MTUS2: variants seen among roughly 807,000 people sequenced by gnomAD.
MTUS2 encodes microtubule associated scaffold protein 2.
MTUS2 carries 40 observed loss-of-function variants against 114.1 expected under a neutral mutation model. That is an observed-to-expected ratio of 0.35 (90% confidence interval 0.27 to 0.46). The LOEUF (loss-of-function observed/expected upper bound fraction) is 0.46, where lower values mean the gene tolerates loss of function less well. Among genes scored for constraint, MTUS2 ranks in the 20% least tolerant of loss-of-function variants. MTUS2 has a pLI of 1.00. For synonymous variants in MTUS2, 688 were observed against 672.0 expected (o/e 1.02, Z -0.37); for missense variants, 1,679 against 1,705.4 (o/e 0.98, Z 0.27).
intron 7 of MTUS2, among the ~76,000 whole-genome samples, chr13:29,335,639 G>T (rs368827762): frequency 1.3e-5 from 2 of 151,990 alleles, no homozygotes; most frequent in African/African-American, 2.4e-5. Flanking sequence ...TTCTCTTTTT[G>T]TACTCTTTCC....
intron 5 of MTUS2, among the ~76,000 whole-genome samples, chr13:29,193,948 CA>C (rs1453890625): frequency 2.6e-5 from 4 of 152,046 alleles, no homozygotes; most frequent in African/African-American, 9.7e-5. Context: ...CGCATATCTA[CA>C]AATATCTGAT....
At chr13:29,319,763 G>A (rs73437934) in intron 6 of MTUS2, among the ~76,000 whole-genome samples, 3,959 of 152,152 alleles carry the variant, frequency 0.026, 151 homozygotes, top group African/African-American at 0.089. Flanking sequence ...CGAGATGCCC[G>A]CTAGCCTTAG....
intron 2 of MTUS2, among the ~76,000 whole-genome samples, chr13:28,940,319 G>C (rs758861012): frequency 6.6e-6 from 1 of 152,146 alleles, no homozygotes; most frequent in Admixed American, 6.5e-5. Flanking sequence ...ATGCTACAGT[G>C]TGGCTTAACC....
intron 5 of MTUS2, among the ~76,000 whole-genome samples, chr13:29,170,042 T>A (rs1893487120): frequency 1.1e-5 from 1 of 88,762 alleles, no homozygotes. Context: ...CAGTAGTGGT[T>A]GATGAGAGCA....
chr13:29,195,480 A>G (rs558586810), intron 5 of MTUS2, among the ~76,000 whole-genome samples: 7 of 150,756 alleles, frequency 4.6e-5, no homozygotes, highest in Admixed American at 4.6e-4. Context: ...AACACATTTA[A>G]TGTTAAAATA....
chr13:28,896,792 G>A (rs1879298587), intron 2 of MTUS2, among the ~76,000 whole-genome samples: 1 of 152,196 alleles, frequency 6.6e-6, no homozygotes, highest in South Asian at 2.1e-4. Context: ...ACAAAAACAA[G>A]AAATGGAGAA....
At chr13:29,235,064 G>C (rs569325599) in intron 5 of MTUS2, among the ~76,000 whole-genome samples, 2 of 151,720 alleles carry the variant, frequency 1.3e-5, no homozygotes, top group Non-Finnish European at 2.9e-5. Context: ...GCAAGTAATG[G>C]TAATTTTTCA....
intron 10 of MTUS2, among the ~76,000 whole-genome samples, chr13:29,487,021 T>G (rs1271004522): frequency 6.6e-6 from 1 of 152,024 alleles, no homozygotes; most frequent in African/African-American, 2.4e-5. Context: ...TCAGGAAACA[T>G]GAAAATGAAG....
intron 5 of MTUS2, among the ~76,000 whole-genome samples, chr13:29,214,105 C>T (rs1470949101): frequency 1.3e-5 from 2 of 151,976 alleles, no homozygotes; most frequent in African/African-American, 2.4e-5. Context: ...AGCATACTTC[C>T]ATCTCTTTCC....
At position 29,504,393 on chromosome 13, in the gene MTUS2, GAA is replaced by G. The variant is rs59206498; in HGVS notation, c.*1196_*1197del. On this transcript the variant is annotated 3_prime_UTR_variant, in exon 16 of 16. Coordinates refer to ENST00000612955, the MANE Select transcript of MTUS2 (RefSeq NM_001033602.4). ...TCAGGGGTTCTAGCAGGGGCTTCCA[GAA>G]AAAAAAAACACCATTTCTGTCCCGG... The G allele has an allele frequency of 0.063, 13,308 of 209,638 alleles. 515 individuals are homozygous for G. The highest frequency in any genetic ancestry group is 0.16 in the Middle Eastern group (101 of 650). The allele number at this position is 209,638 out of a possible 1,614,324, so 13.0% of individuals were successfully genotyped here.
rs150209979 is a variant in MTUS2, at chr13:29,335,109, C to T, written c.2905+10398C>T. On this transcript the variant is annotated intron_variant, in intron 7 of 15. Coordinates refer to ENST00000612955, the MANE Select transcript of MTUS2 (RefSeq NM_001033602.4). ...GGCGGAACAGAGCCATATTTCTCTT[C>T]TTTCAAAAGCAAATAGGAGAAATAT... 7.6e-3 allele frequency among the ~76,000 whole-genome samples: 1,163 copies of T among 152,310 alleles called. 12 individuals carry two copies. Among genetic ancestry groups the T allele is most frequent in the African/African-American group, 0.027 (1,116 of 41,546 alleles).
intron 5 of MTUS2, among the ~76,000 whole-genome samples, chr13:29,205,260 C>T (rs1266902732): frequency 1.3e-5 from 2 of 152,072 alleles, no homozygotes; most frequent in African/African-American, 2.4e-5. Flanking sequence ...AATTTTGCTC[C>T]TAAGAAAATG....
At chr13:29,405,377 T>C (rs1355531627) in intron 8 of MTUS2, among the ~76,000 whole-genome samples, 3 of 152,202 alleles carry the variant, frequency 2.0e-5, no homozygotes, top group Non-Finnish European at 4.4e-5. Flanking sequence ...ACTATCCAAA[T>C]ATGATGGCTT....
At chr13:28,837,146 G>A (rs915874309) in intron 1 of MTUS2, among the ~76,000 whole-genome samples, 17 of 152,152 alleles carry the variant, frequency 1.1e-4, no homozygotes, top group African/African-American at 4.1e-4. Flanking sequence ...GTTCTTCATT[G>A]TAGTTGTGCT....
chr13:29,442,651 G>A (rs567215128), intron 9 of MTUS2, among the ~76,000 whole-genome samples: 393 of 26,522 alleles, frequency 0.015, no homozygotes, highest in Non-Finnish European at 0.028. Context: ...GGCAGCATTG[G>A]TGTGTTTCCC....
chr13:29,351,847 T>G (rs1869317051), intron 7 of MTUS2, among the ~76,000 whole-genome samples: 1 of 151,508 alleles, frequency 6.6e-6, no homozygotes, highest in Non-Finnish European at 1.5e-5. Flanking sequence ...ACACCTGAGC[T>G]CAAGCCATCG....
chr13:28,979,483 A>G (rs777576702), intron 2 of MTUS2, among the ~76,000 whole-genome samples: 11 of 152,224 alleles, frequency 7.2e-5, no homozygotes, highest in Admixed American at 3.3e-4. Flanking sequence ...TCCAGCATAT[A>G]CTTTTCTCTT....
intron 5 of MTUS2, among the ~76,000 whole-genome samples, chr13:29,150,042 A>G (rs1006420434): frequency 6.6e-6 from 1 of 152,124 alleles, no homozygotes; most frequent in Non-Finnish European, 1.5e-5. Context: ...GTTTTTTCTA[A>G]TTCTATGAAG....
At chr13:29,404,274 C>T (rs1224221676) in intron 8 of MTUS2, among the ~76,000 whole-genome samples, 2 of 151,984 alleles carry the variant, frequency 1.3e-5, no homozygotes, top group Non-Finnish European at 2.9e-5. Flanking sequence ...TCACCTGAGC[C>T]TGGAGAGGTC....
Sources: allele counts gnomAD v4.1 joint callset (sites outside exome capture counted in the v4.1 genomes callset), GRCh38; gene constraint gnomAD v4.1.1; transcripts MANE v1.5; gene names NCBI Gene and HGNC (gene_info 2026-07-23, HGNC 2026-07-21).